ARHGAP6: variants seen among roughly 807,000 people sequenced by gnomAD.
ARHGAP6 encodes Rho GTPase activating protein 6, also known as rho GTPase-activating protein 6.
ARHGAP6 carries 16 observed loss-of-function variants against 55.7 expected under a neutral mutation model. The observed-to-expected ratio is 0.29, with a 90% CI of 0.19 to 0.44. The LOEUF (loss-of-function observed/expected upper bound fraction) is 0.44. Among genes scored for constraint, ARHGAP6 ranks in the 20% least tolerant of loss-of-function variants. The pLI is 1.00. For missense variants in ARHGAP6, 698 were observed against 808.9 expected, an observed-to-expected ratio of 0.86 and a Z score of 1.66; for synonymous variants, 382 against 360.9, an observed-to-expected ratio of 1.06 and a Z score of -0.66.
intron 1 of ARHGAP6, among the ~76,000 whole-genome samples, chrX:11,587,558 G>T (rs187861719): frequency 1.4e-3 from 152 of 111,788 alleles, no homozygotes; most frequent in African/African-American, 4.7e-3. Context: ...GATGGAAGAT[G>T]GTAATGCAGT....
chrX:11,422,124 T>C (rs2049829956), intron 1 of ARHGAP6, among the ~76,000 whole-genome samples: 1 of 111,423 alleles, frequency 9.0e-6, no homozygotes, highest in African/African-American at 3.3e-5. Flanking sequence ...ATATATAATA[T>C]AATACCAAGT....
chrX:11,180,296 T>C (rs1295461514), intron 6 of ARHGAP6, among the ~76,000 whole-genome samples: 1 of 111,533 alleles, frequency 9.0e-6, no homozygotes, highest in African/African-American at 3.3e-5. Flanking sequence ...GAAATAATTA[T>C]GTAACTTCAT....
At chrX:11,300,643 T>C in intron 1 of ARHGAP6, 1 of 1,178,773 alleles carries the variant, frequency 8.5e-7, no homozygotes, top group Non-Finnish European at 1.2e-6. Context: ...GAATGAATAC[T>C]TCAGATGCTT....
chrX:11,215,347 G>A (rs915981127), intron 2 of ARHGAP6, among the ~76,000 whole-genome samples: 1 of 112,927 alleles, frequency 8.9e-6, no homozygotes, highest in African/African-American at 3.2e-5. Flanking sequence ...GCCGAGCTCT[G>A]TCTCAATGGC....
intron 1 of ARHGAP6, among the ~76,000 whole-genome samples, chrX:11,555,657 G>T (rs111625176): frequency 0.17 from 18,863 of 110,208 alleles, 1,347 homozygotes; most frequent in Middle Eastern, 0.26. Flanking sequence ...TGAGGTGGGA[G>T]AATCTCTTGA....
At chrX:11,409,868 A>G (rs2049658748) in intron 1 of ARHGAP6, among the ~76,000 whole-genome samples, 1 of 112,347 alleles carries the variant, frequency 8.9e-6, no homozygotes, top group African/African-American at 3.2e-5. Context: ...AGATGCTCAA[A>G]AGATTGAGGT....
chrX:11,378,866 G>A (rs994889318), intron 1 of ARHGAP6, among the ~76,000 whole-genome samples: 5 of 112,621 alleles, frequency 4.4e-5, no homozygotes, highest in African/African-American at 3.2e-5. Context: ...CTCAATAAGC[G>A]TGTTCTACTT....
intron 1 of ARHGAP6, among the ~76,000 whole-genome samples, chrX:11,588,471 T>C (rs2051762597): frequency 8.9e-6 from 1 of 112,129 alleles, no homozygotes; most frequent in South Asian, 3.7e-4. Context: ...TATACATAAA[T>C]GTTCATAGCA....
intron 1 of ARHGAP6, among the ~76,000 whole-genome samples, chrX:11,330,073 G>A (rs1172731294): frequency 8.9e-6 from 1 of 112,949 alleles, no homozygotes; most frequent in Non-Finnish European, 1.9e-5. Context: ...AACAGCAAAA[G>A]CTAACAATTT....
intron 1 of ARHGAP6, among the ~76,000 whole-genome samples, chrX:11,640,166 C>T (rs925112390): frequency 8.1e-5 from 9 of 111,038 alleles, no homozygotes; most frequent in African/African-American, 2.9e-4. Flanking sequence ...GAACAGTGCC[C>T]CGGGAAAGGA....
intron 1 of ARHGAP6, among the ~76,000 whole-genome samples, chrX:11,255,249 T>C (rs2047478625): frequency 9.0e-6 from 1 of 111,513 alleles, no homozygotes; most frequent in South Asian, 3.8e-4. Flanking sequence ...CAAACACTTA[T>C]TATTTCTTTG....
At chrX:11,486,290 A>G (rs920252653) in intron 1 of ARHGAP6, among the ~76,000 whole-genome samples, 16 of 112,177 alleles carry the variant, frequency 1.4e-4, no homozygotes, top group Admixed American at 6.6e-4. Flanking sequence ...TCAAGAGCCA[A>G]GAGAAAATAA....
At chrX:11,372,916 C>T (rs1275883722) in intron 1 of ARHGAP6, among the ~76,000 whole-genome samples, 1 of 108,909 alleles carries the variant, frequency 9.2e-6, no homozygotes, top group Non-Finnish European at 1.9e-5. Flanking sequence ...ATTAATATTG[C>T]TTTATTCTTT....
chrX:11,244,861 C>G (rs2047332225), intron 2 of ARHGAP6, among the ~76,000 whole-genome samples: 1 of 111,805 alleles, frequency 8.9e-6, no homozygotes, highest in Non-Finnish European at 1.9e-5. Flanking sequence ...GAGACAAGAC[C>G]TTGGATAGAA....
chrX:11,220,875 A>G (rs2046960266), intron 2 of ARHGAP6, among the ~76,000 whole-genome samples: 1 of 109,089 alleles, frequency 9.2e-6, no homozygotes, highest in African/African-American at 3.3e-5. Flanking sequence ...AGTGTGCTGT[A>G]TTCAGGAAAC....
intron 1 of ARHGAP6, among the ~76,000 whole-genome samples, chrX:11,562,497 ATT>A (rs1298580245): frequency 8.9e-6 from 1 of 112,068 alleles, no homozygotes; most frequent in Non-Finnish European, 1.9e-5. Context: ...TATTATTTGG[ATT>A]TGTTTCTTTT....
intron 1 of ARHGAP6, among the ~76,000 whole-genome samples, chrX:11,575,540 T>A (rs1227600276): frequency 1.8e-5 from 2 of 111,369 alleles, no homozygotes; most frequent in Non-Finnish European, 1.9e-5. Context: ...ACTCATATCA[T>A]GTGGCAGCAA....
chrX:11,179,696 C>T (rs1230395269), intron 6 of ARHGAP6, among the ~76,000 whole-genome samples: 2 of 101,932 alleles, frequency 2.0e-5, no homozygotes, highest in African/African-American at 7.2e-5. Context: ...TATATGTATA[C>T]ATATATACAA....
chrX:11,345,512 A>C (rs1321906114), intron 1 of ARHGAP6, among the ~76,000 whole-genome samples: 3 of 112,480 alleles, frequency 2.7e-5, no homozygotes, highest in Non-Finnish European at 5.6e-5. Flanking sequence ...ATCTGATTCA[A>C]ACTCAAAGAG....
Sources: gnomAD v4.1 joint callset for allele counts (sites outside exome capture counted in the v4.1 genomes callset) on GRCh38, gnomAD v4.1.1 for gene constraint, MANE v1.5 for transcripts, NCBI Gene and HGNC (gene_info 2026-07-23, HGNC 2026-07-21) for gene names.